Variants in FSTL5 observed in about 807,000 individuals in gnomAD.
The protein encoded by FSTL5 is follistatin like 5.
Under a neutral mutation model 89.1 loss-of-function variants are expected in FSTL5, and 62 were observed. That is an observed-to-expected ratio of 0.70 (90% CI 0.57 to 0.86). The LOEUF is 0.86. Ranked by LOEUF, FSTL5 falls within the 40% of genes least tolerant of loss-of-function variation. The pLI, the probability that FSTL5 is intolerant of heterozygous loss-of-function variation, is 0.00. For missense variants in FSTL5, 1,057 were observed against 1,001.6 expected (o/e 1.06, Z -0.75); for synonymous variants, 383 against 346.2 (o/e 1.11, Z -1.18).
At chr4:161,578,540 G>T (rs1285028359) in intron 8 of FSTL5, among the ~76,000 whole-genome samples, 1 of 151,966 alleles carries the variant, frequency 6.6e-6, no homozygotes. Flanking sequence ...GGAGAAAACA[G>T]AAATCTATTT....
At chr4:161,863,144 C>T (rs2126892117) in intron 4 of FSTL5, among the ~76,000 whole-genome samples, 1 of 152,232 alleles carries the variant, frequency 6.6e-6, no homozygotes, top group Non-Finnish European at 1.5e-5. Context: ...TTATAGCTAT[C>T]TTTGTTAACA....
chr4:161,989,716 G>A (rs1320573425), intron 3 of FSTL5, among the ~76,000 whole-genome samples: 2 of 152,136 alleles, frequency 1.3e-5, no homozygotes, highest in African/African-American at 4.8e-5. Context: ...GTGGCTGGCA[G>A]AGGTTGCATT....
chr4:161,880,098 G>A (rs967497154), intron 4 of FSTL5, among the ~76,000 whole-genome samples: 5 of 152,102 alleles, frequency 3.3e-5, no homozygotes, highest in Admixed American at 2.0e-4. Context: ...CACTTTCCAC[G>A]ATTAAGTCCT....
Position 161,860,212 on chromosome 4 carries a change from C to A in FSTL5, c.409+60192G>T, listed in dbSNP as rs184007218. Among the ~76,000 whole-genome samples, 8 of 151,962 alleles carry A rather than the reference C, an allele frequency of 5.3e-5. No individual in the cohort carries two copies. The East Asian group carries it at 5.8e-4, about 11-fold the overall frequency. On this transcript the variant is annotated intron_variant, in intron 4 of 15. Coordinates refer to ENST00000306100, the MANE Select transcript of FSTL5 (RefSeq NM_020116.5). ...CTGAGGCAGGAGAATGGCGTGAACC[C>A]GGGAGGCGGAGCTTGCAGTGAGAGG... is the stretch of plus-strand genomic sequence containing the variant.
chr4:161,790,089 G>C (rs1729408480), intron 4 of FSTL5, among the ~76,000 whole-genome samples: 1 of 152,132 alleles, frequency 6.6e-6, no homozygotes, highest in Non-Finnish European at 1.5e-5. Context: ...AGAAAATACT[G>C]TCACTTTGTG....
chr4:161,556,460 A>C (rs543466490), intron 8 of FSTL5, among the ~76,000 whole-genome samples: 1 of 151,650 alleles, frequency 6.6e-6, no homozygotes, highest in African/African-American at 2.4e-5. Context: ...ATCAGACAGG[A>C]TTACTCAAGA....
intron 13 of FSTL5, among the ~76,000 whole-genome samples, chr4:161,470,967 T>C (rs532040597): frequency 6.6e-6 from 1 of 152,344 alleles, no homozygotes; most frequent in Non-Finnish European, 1.5e-5. Flanking sequence ...CATTCATTAG[T>C]TCTAATAGTG....
chr4:161,478,474 C>T lies in FSTL5; in HGVS notation c.1608+2546G>A, dbSNP rs114564424. On this transcript the variant is annotated intron_variant, in intron 13 of 15. Transcript: ENST00000306100. ...ATGGAACTCATGGCCAACAGCATTA[C>T]AACTCATGCCTTAACAAAACTTACT... is the stretch of plus-strand genomic sequence containing the variant. 3.4e-3 allele frequency among the ~76,000 whole-genome samples: 520 copies of T among 152,224 alleles called. 3 individuals are homozygous for T. Among genetic ancestry groups the T allele is most frequent in the African/African-American group, 0.011 (472 of 41,546 alleles).
intron 6 of FSTL5, among the ~76,000 whole-genome samples, chr4:161,680,059 T>C (rs1257245899): frequency 6.6e-6 from 1 of 151,902 alleles, no homozygotes; most frequent in Non-Finnish European, 1.5e-5. Flanking sequence ...AATTTCATGA[T>C]GTAAAGTCAA....
intron 4 of FSTL5, among the ~76,000 whole-genome samples, chr4:161,884,290 C>G (rs934204081): frequency 6.6e-6 from 1 of 152,140 alleles, no homozygotes; most frequent in Non-Finnish European, 1.5e-5. Flanking sequence ...CCTGCCTCAG[C>G]ATTTTTCAAA....
At position 161,386,259 on chromosome 4, in the gene FSTL5, T is replaced by G; in HGVS notation, c.2032A>C (p.Met678Leu). Residue 678 changes from methionine (M) to leucine (L), a missense_variant, in exon 16 of 16, where the codon ATG becomes CTG. Around this residue, in one of 3 missense-constraint regions of FSTL5, gnomAD observed 980 missense variants for 903.2 expected, o/e 1.08. Transcript: ENST00000306100. ...ACTGAGTCAGTTACACCGTCCACCATGACCTGTGGGGAAACTGCTCCGGTG... is the reference window on the plus strand; with the variant it reads ...ACTGAGTCAGTTACACCGTCCACCAGGACCTGTGGGGAAACTGCTCCGGTG... ...DSTGAVSPQV[M>L]VDGVTDSVIG... The G allele has an allele frequency of 6.2e-7, 1 of 1,614,038 alleles. No individual in the cohort carries two copies. The highest frequency in any genetic ancestry group is 8.5e-7 in the Non-Finnish European group (1 of 1,179,972).
chr4:161,827,769 T>C (rs935634390), intron 4 of FSTL5, among the ~76,000 whole-genome samples: 2 of 152,148 alleles, frequency 1.3e-5, no homozygotes, highest in Non-Finnish European at 2.9e-5. Flanking sequence ...CCAGCTCCCA[T>C]GCAGCCCAAA....
At chr4:161,907,019 G>C (rs1733555965) in intron 4 of FSTL5, among the ~76,000 whole-genome samples, 1 of 152,084 alleles carries the variant, frequency 6.6e-6, no homozygotes, top group African/African-American at 2.4e-5. Context: ...TTGAGCTACA[G>C]AGATTGTGCC....
intron 4 of FSTL5, among the ~76,000 whole-genome samples, chr4:161,883,697 G>A (rs998161861): frequency 2.6e-5 from 4 of 152,068 alleles, no homozygotes; most frequent in Non-Finnish European, 5.9e-5. Flanking sequence ...TTAATGTGTA[G>A]GTTAAACAAA....
intron 6 of FSTL5, among the ~76,000 whole-genome samples, chr4:161,698,304 A>G (rs1469667050): frequency 6.6e-6 from 1 of 152,212 alleles, no homozygotes; most frequent in African/African-American, 2.4e-5. Context: ...CAAACAAACA[A>G]ACAAAAAGTT....
chr4:161,825,184 C>T (rs1056392666), intron 4 of FSTL5, among the ~76,000 whole-genome samples: 117 of 152,146 alleles, frequency 7.7e-4, no homozygotes, highest in African/African-American at 2.7e-3. Context: ...GTTTATGTGG[C>T]GTATCACATT....
chr4:161,387,618 T>C (rs1233437175), intron 15 of FSTL5: 2 of 152,098 alleles, frequency 1.3e-5, no homozygotes, highest in East Asian at 3.9e-4. Context: ...AAATTTTAAA[T>C]GTCAGCATTT....
At chr4:161,588,725 T>C (rs1733704643) in intron 7 of FSTL5, among the ~76,000 whole-genome samples, 1 of 152,182 alleles carries the variant, frequency 6.6e-6, no homozygotes, top group South Asian at 2.1e-4. Flanking sequence ...TTATGTGGCA[T>C]TTTAACTTTA....
At chr4:162,076,407 T>A (rs559794301) in intron 2 of FSTL5, among the ~76,000 whole-genome samples, 1 of 152,012 alleles carries the variant, frequency 6.6e-6, no homozygotes, top group South Asian at 2.1e-4. Context: ...AGAGTGCAGG[T>A]CTGTTTGATT....
Sources: allele counts gnomAD v4.1 joint callset (sites outside exome capture counted in the v4.1 genomes callset), GRCh38; gene constraint gnomAD v4.1.1; regional missense constraint gnomAD v4.1.1; transcripts MANE v1.5; gene names NCBI Gene and HGNC (gene_info 2026-07-23, HGNC 2026-07-21).